ATP8A2: variants seen among roughly 807,000 people sequenced by gnomAD.
The protein encoded by ATP8A2 is ATPase phospholipid transporting 8A2.
In ATP8A2, 100 loss-of-function variants were observed where a neutral mutation model predicts 165.6. The observed-to-expected ratio is 0.60, with a 90% CI of 0.51 to 0.71. The LOEUF (loss-of-function observed/expected upper bound fraction) is 0.71, where lower values mean the gene tolerates loss of function less well. Among genes scored for constraint, ATP8A2 ranks in the 30% least tolerant of loss-of-function variants. The probability of loss-of-function intolerance (pLI) is 0.00; values close to 1 mark genes in which losing one functional copy is unlikely to be tolerated. For missense variants in ATP8A2, 1,227 were observed against 1,479.5 expected, an observed-to-expected ratio of 0.83 and a Z score of 2.80; for synonymous variants, 543 against 548.8, an observed-to-expected ratio of 0.99 and a Z score of 0.15.
chr13:25,900,397 C>T (rs187414065), intron 33 of ATP8A2, among the ~76,000 whole-genome samples: 4 of 152,250 alleles, frequency 2.6e-5, no homozygotes, highest in East Asian at 3.9e-4. Flanking sequence ...TCAGCCAAAA[C>T]GTGTCCCAAG....
chr13:25,568,832 C>T (rs1166688552), intron 16 of ATP8A2, among the ~76,000 whole-genome samples: 2 of 152,144 alleles, frequency 1.3e-5, no homozygotes, highest in East Asian at 3.8e-4. Flanking sequence ...TATATACACA[C>T]ATGAATATAA....
intron 33 of ATP8A2, among the ~76,000 whole-genome samples, chr13:25,957,047 T>A (rs1000610945): frequency 2.0e-5 from 3 of 152,034 alleles, no homozygotes; most frequent in Non-Finnish European, 4.4e-5. Flanking sequence ...ATAAATGGTG[T>A]TGGGAAAACT....
At chr13:25,992,387 A>G (rs1055412958) in intron 35 of ATP8A2, among the ~76,000 whole-genome samples, 1 of 151,562 alleles carries the variant, frequency 6.6e-6, no homozygotes, top group African/African-American at 2.4e-5. Context: ...GCCTTTGACC[A>G]TTTTCTAATG....
intron 33 of ATP8A2, among the ~76,000 whole-genome samples, chr13:25,928,857 G>A (rs780789656): frequency 6.6e-6 from 1 of 152,158 alleles, no homozygotes; most frequent in South Asian, 2.1e-4. Flanking sequence ...TACGAAATCT[G>A]AAGTGCCCCC....
At chr13:25,507,511 C>T (rs2037088407) in intron 2 of ATP8A2, among the ~76,000 whole-genome samples, 1 of 151,938 alleles carries the variant, frequency 6.6e-6, no homozygotes, top group Non-Finnish European at 1.5e-5. Flanking sequence ...GGTGATCCTC[C>T]CTCCTTGGCG....
chr13:25,493,246 C>T (rs1457857345), intron 2 of ATP8A2, among the ~76,000 whole-genome samples: 2 of 152,104 alleles, frequency 1.3e-5, no homozygotes, highest in Non-Finnish European at 2.9e-5. Context: ...TGGCCTTATG[C>T]TCATTAATTA....
chr13:25,801,642 G>A (rs1950624111), intron 27 of ATP8A2, among the ~76,000 whole-genome samples: 4 of 152,254 alleles, frequency 2.6e-5, no homozygotes, highest in South Asian at 2.1e-4. Context: ...ACTTTGAAAC[G>A]TGAAGATAAT....
intron 35 of ATP8A2, among the ~76,000 whole-genome samples, chr13:25,970,297 T>C (rs1160514413): frequency 6.6e-6 from 1 of 152,224 alleles, no homozygotes. Flanking sequence ...GAATGTGCTT[T>C]AGAGTGTTTG....
chr13:25,727,202 C>A (rs2043513125), intron 25 of ATP8A2, among the ~76,000 whole-genome samples: 1 of 152,070 alleles, frequency 6.6e-6, no homozygotes, highest in African/African-American at 2.4e-5. Context: ...ATGGAGAAAC[C>A]ATGAAATGAT....
chr13:25,872,043 T>A (rs917229137), intron 33 of ATP8A2, among the ~76,000 whole-genome samples: 1 of 110,304 alleles, frequency 9.1e-6, no homozygotes, highest in African/African-American at 3.5e-5. Context: ...CTGCGTCCAT[T>A]CCCCTCACCC....
At chr13:25,768,071 T>C (rs906872130) in intron 25 of ATP8A2, among the ~76,000 whole-genome samples, 153 of 5,634 alleles carry the variant, frequency 0.027, 1 homozygote, top group African/African-American at 0.13. Context: ...GTGTGTGTGG[T>C]GGCGTGGGGG....
intron 1 of ATP8A2, among the ~76,000 whole-genome samples, chr13:25,451,050 C>T (rs1028949126): frequency 1.3e-5 from 2 of 152,110 alleles, no homozygotes; most frequent in African/African-American, 4.8e-5. Context: ...TCCTTTTCCT[C>T]TCTAACCCCT....
chr13:25,886,039 A>G (rs902773114), intron 33 of ATP8A2, among the ~76,000 whole-genome samples: 1 of 152,204 alleles, frequency 6.6e-6, no homozygotes, highest in Non-Finnish European at 1.5e-5. Context: ...CAAGAGGCAG[A>G]TGTTGTACTT....
chr13:25,541,340 T>G (rs903233203), intron 8 of ATP8A2, among the ~76,000 whole-genome samples: 3 of 152,080 alleles, frequency 2.0e-5, no homozygotes, highest in Non-Finnish European at 4.4e-5. Context: ...CTGGGCAACA[T>G]AGCAAGACCC....
intron 23 of ATP8A2, among the ~76,000 whole-genome samples, chr13:25,586,907 G>GT (rs1478369385): frequency 6.6e-6 from 1 of 152,100 alleles, no homozygotes; most frequent in Non-Finnish European, 1.5e-5. Flanking sequence ...AAGTCCTGCC[G>GT]TAAGTACCAT....
intron 27 of ATP8A2, among the ~76,000 whole-genome samples, chr13:25,782,655 CT>C (rs2044911100): frequency 6.6e-6 from 1 of 152,226 alleles, no homozygotes; most frequent in South Asian, 2.1e-4. Context: ...CTCTTGTATA[CT>C]TTACATCATC....
chr13:25,911,242 C>T, intron 33 of ATP8A2, among the ~76,000 whole-genome samples: 1 of 152,184 alleles, frequency 6.6e-6, no homozygotes, highest in East Asian at 1.9e-4. Context: ...ACTAATGTTT[C>T]TTTCAATATG....
chr13:25,812,159 A>T (rs1284693430), intron 27 of ATP8A2, among the ~76,000 whole-genome samples: 1 of 149,724 alleles, frequency 6.7e-6, no homozygotes, highest in African/African-American at 2.5e-5. Flanking sequence ...TTCAGGTTTC[A>T]GTTTTCTCTG....
intron 33 of ATP8A2, among the ~76,000 whole-genome samples, chr13:25,873,347 A>G (rs755705950): frequency 2.2e-4 from 34 of 152,172 alleles, no homozygotes; most frequent in Non-Finnish European, 4.3e-4. Flanking sequence ...TTTTTCCACA[A>G]TGTTGGCTAA....
Sources: gnomAD v4.1 joint callset for allele counts (sites outside exome capture counted in the v4.1 genomes callset) on GRCh38, gnomAD v4.1.1 for gene constraint, MANE v1.5 for transcripts, NCBI Gene and HGNC (gene_info 2026-07-23, HGNC 2026-07-21) for gene names.